ZNF276: variants seen among roughly 807,000 people sequenced by gnomAD.
The protein encoded by ZNF276 is centromere protein Z.
A neutral mutation model predicts 63.9 loss-of-function variants in ZNF276; 59 were observed. The observed-to-expected ratio is 0.92, with a 90% CI of 0.75 to 1.15. The LOEUF is 1.15. ZNF276 is among the 50% of genes most tolerant of loss of function. ZNF276 has a pLI of 0.00. For missense variants in ZNF276, 1,084 were observed against 843.8 expected (o/e 1.28, Z -3.53); for synonymous variants, 496 against 348.4 (o/e 1.42, Z -4.72).
Position 89,733,511 on chromosome 16 carries a change from C to A in ZNF276, c.1310C>A (p.Pro437His), listed in dbSNP as rs762835220. Residue 437 changes from proline to histidine, a missense_variant, in exon 8 of 11, where the codon CCT becomes CAT. Physicochemically the swap from Pro to His is moderately conservative, Grantham distance 77. Coordinates refer to ENST00000443381, the MANE Select transcript of ZNF276 (RefSeq NM_001113525.2). Reference sequence around the variant, plus strand: ...GAGCTTCCCACCATCTACAAGTGTCCTTACCAGGGCTGCACGGCCGTGTAC... The same window carrying A: ...GAGCTTCCCACCATCTACAAGTGTCATTACCAGGGCTGCACGGCCGTGTAC... ...REELPTIYKCPYQGCTAVYRG... is the reference protein window; with the variant it reads ...REELPTIYKCHYQGCTAVYRG... 2 of 1,614,180 alleles carry A rather than the reference C, an allele frequency of 1.2e-6. No individual in the cohort carries two copies. The highest frequency in any genetic ancestry group is 1.7e-6 in the Non-Finnish European group (2 of 1,180,044).
At chr16:89,737,535 AC>A (rs2061976427) in intron 9 of ZNF276, 2 of 467,884 alleles carry the variant, frequency 4.3e-6, no homozygotes, top group Non-Finnish European at 3.6e-6. Context: ...AAAAAAAAAG[AC>A]AAGAATCTGT....
intron 6 of ZNF276, chr16:89,732,682 G>C (rs1190038991): frequency 4.5e-6 from 1 of 221,792 alleles, no homozygotes; most frequent in Non-Finnish European, 9.3e-6. Flanking sequence ...GCCCTCTGCT[G>C]TGCTCACCCG....
intron 9 of ZNF276, among the ~76,000 whole-genome samples, chr16:89,735,777 C>T (rs1461059938): frequency 3.9e-5 from 6 of 152,082 alleles, no homozygotes; most frequent in South Asian, 4.1e-4. Flanking sequence ...TGCAGTGGCG[C>T]GATCTTGGCT....
At chr16:89,737,694 G>A in intron 9 of ZNF276, 112 bp from the exon 10 acceptor site, 5 of 1,569,390 alleles carry the variant, frequency 3.2e-6, no homozygotes, top group Non-Finnish European at 4.3e-6. Context: ...ACTGCATGGT[G>A]AACCATGTGC....
At position 89,738,430 on chromosome 16, in the gene ZNF276, G is replaced by T; in HGVS notation, c.*184G>T. On this transcript the variant is annotated 3_prime_UTR_variant, in exon 11 of 11. Transcript: ENST00000443381. ...TCTGGGACCAGTGGTTTATTTTCCCGCAAACGCTGAGTGACTCGGGGCCGG... is the reference window on the plus strand; with the variant it reads ...TCTGGGACCAGTGGTTTATTTTCCCTCAAACGCTGAGTGACTCGGGGCCGG... The T allele has an allele frequency of 7.3e-7, 1 of 1,374,292 alleles. No homozygotes were observed. Among genetic ancestry groups the T allele is most frequent in the Non-Finnish European group, 9.9e-7 (1 of 1,009,404 alleles). 85.1% of individuals were successfully genotyped at this position (1,374,292 alleles called of 1,614,324 possible). A position where few individuals can be genotyped will look rare whatever the true frequency, so the allele number is the denominator to read the frequency against.
At chr16:89,733,584 G>T in intron 8 of ZNF276, 27 bp downstream of exon 8, 2 of 1,612,564 alleles carry the variant, frequency 1.2e-6, no homozygotes, top group Non-Finnish European at 1.7e-6. Flanking sequence ...CCTGACCCAG[G>T]CCCGGCAGCT....
Position 89,739,125 on chromosome 16 carries a change from G to C in ZNF276, c.*879G>C, listed in dbSNP as rs772665586. 1 of 1,614,116 alleles carries C rather than the reference G, an allele frequency of 6.2e-7. No homozygotes were observed. The highest frequency in any genetic ancestry group is 1.7e-5 in the Admixed American group (1 of 60,032). ...TCCCCTGGAGGTGGGACTGGCCCTT[G>C]CACCTGCCTGACCCTTGAGCTCCAG... On this transcript the variant is annotated 3_prime_UTR_variant, in exon 11 of 11. Coordinates refer to ENST00000443381, the MANE Select transcript of ZNF276 (RefSeq NM_001113525.2).
chr16:89,732,695 CCT>C (rs2151689802), intron 6 of ZNF276: 1 of 196,592 alleles, frequency 5.1e-6, no homozygotes, highest in African/African-American at 2.4e-5. Flanking sequence ...CTCACCCGAC[CCT>C]GCTGTACCCT....
rs1183256870 is a variant in ZNF276 at position 89,740,838 on chromosome 16, AAGG to A, written c.*2595_*2597del. ...CAGATGTGACGACAGCAGGCCCATCAAGGAGAAGAAGAAAAGGAAAACCAATAG... is the reference window on the plus strand; with the variant it reads ...CAGATGTGACGACAGCAGGCCCATCAAGAAGAAGAAAAGGAAAACCAATAG... On this transcript the variant is annotated 3_prime_UTR_variant, in exon 11 of 11. Coordinates refer to ENST00000443381, the MANE Select transcript of ZNF276 (RefSeq NM_001113525.2). 8 of 1,613,560 alleles carry A rather than the reference AAGG, an allele frequency of 5.0e-6. No individual in the cohort carries two copies. The highest frequency in any genetic ancestry group is 2.7e-5 in the African/African-American group (2 of 74,884).
rs1219627612 is a variant in ZNF276 at position 89,739,284 on chromosome 16, A to C, written c.*1038A>C. The C allele has an allele frequency of 1.2e-6, 2 of 1,614,138 alleles. No individual in the cohort carries two copies. The highest frequency in any genetic ancestry group is 1.7e-6 in the Non-Finnish European group (2 of 1,180,042). On this transcript the variant is annotated 3_prime_UTR_variant, in exon 11 of 11. Transcript: ENST00000443381. ...GGCCGCGTCTTCATGGAAGTAGGAG[A>C]GAAGACTAGAGGTAAAGACATAGTG...
chr16:89,730,557 T>C (rs2061612055), intron 6 of ZNF276, among the ~76,000 whole-genome samples: 1 of 152,160 alleles, frequency 6.6e-6, no homozygotes, highest in African/African-American at 2.4e-5. Flanking sequence ...ACTGTGTCAC[T>C]AGTCCCTCTG....
At chr16:89,721,966 A>C (rs997905859) in intron 1 of ZNF276, 121 bp downstream of exon 1, 1 of 692,050 alleles carries the variant, frequency 1.4e-6, no homozygotes, top group Non-Finnish European at 2.0e-6. Flanking sequence ...GGCGTAGCGG[A>C]CTCGGGGCTG....
chr16:89,722,577 G>A lies in ZNF276; in HGVS notation c.252G>A (p.Gly84=). 6.2e-7 allele frequency: 1 copy of A among 1,612,368 alleles called. No homozygotes were observed. Among genetic ancestry groups the A allele is most frequent in the Non-Finnish European group, 8.5e-7 (1 of 1,179,994 alleles). The change falls in exon 2 of 11, where the codon GGG becomes GGA. Residue 84 remains glycine, a synonymous_variant. Transcript: ENST00000443381. The stretch of plus-strand genomic sequence containing the variant: ...TGGGTCACTGTCGCCTCTGCCACGG[G>A]AAGTTTTCCTCGAGAAGCCTGCGCA... ...LAMGHCRLCH[G]KFSSRSLRSI... is the part of the protein sequence containing the mutation.
intron 1 of ZNF276, among the ~76,000 whole-genome samples, 191 bp from the exon 2 acceptor site, chr16:89,722,340 T>A (rs550021378): frequency 2.0e-5 from 3 of 152,160 alleles, no homozygotes; most frequent in Non-Finnish European, 4.4e-5. Context: ...TTTGAAAGAT[T>A]TCTTGGACCA....
In ZNF276 at chr16:89,721,691, G is replaced by T; in HGVS notation, c.51G>T (p.Gln17His). ...TCCTGTCTCCTGGGTCGTCCCGACA[G>T]TGCGGGGCCTCGGACGGCGGCGGCG... ...GRFLSPGSSR[Q>H]CGASDGGGGV... The change falls in exon 1 of 11, where the codon CAG becomes CAT. Residue 17 changes from glutamine (Q) to histidine (H), a missense_variant. Coordinates refer to ENST00000443381, the MANE Select transcript of ZNF276 (RefSeq NM_001113525.2). The T allele has an allele frequency of 2.1e-6, 3 of 1,400,066 alleles. No homozygotes were observed. The African/African-American group carries it at 4.5e-5, about 21-fold the overall frequency. 86.7% of individuals were successfully genotyped at this position (1,400,066 alleles called of 1,614,324 possible). A position where few individuals can be genotyped will look rare whatever the true frequency, so the allele number is the denominator to read the frequency against.
intron 6 of ZNF276, chr16:89,732,839 GCGCCCTTGCCCTCTGCTGTGCT>G (rs2061708705): frequency 4.9e-6 from 1 of 202,350 alleles, no homozygotes; most frequent in African/African-American, 2.9e-5. Flanking sequence ...GCTGTGTCCT[GCGCCCTTGCCCTCTGCTGTGCT>G]CGCCCTGACC....
intron 6 of ZNF276, 95 bp downstream of exon 6, chr16:89,729,413 C>T (rs2061573736): frequency 9.0e-7 from 1 of 1,112,724 alleles, no homozygotes; most frequent in East Asian, 2.4e-5. Flanking sequence ...CCACTCAGTT[C>T]ACTCTCTCGT....
Position 89,738,673 on chromosome 16 carries a change from C to A in ZNF276, c.*427C>A. The A allele has an allele frequency of 6.2e-7, 1 of 1,613,862 alleles. No homozygotes were observed. The highest frequency in any genetic ancestry group is 1.1e-5 in the South Asian group (1 of 91,072). The stretch of plus-strand genomic sequence containing the variant: ...GCTGTCTGCTCTGGAGGGCGGCGCT[C>A]ACCTCTGGGTCGCAGTCCCCACGAT... On this transcript the variant is annotated 3_prime_UTR_variant, in exon 11 of 11. Coordinates refer to ENST00000443381, the MANE Select transcript of ZNF276 (RefSeq NM_001113525.2).
Position 89,738,799 on chromosome 16 carries a change from TGCCA to T in ZNF276, c.*559_*562del, listed in dbSNP as rs1478450090. 8 of 1,613,490 alleles carry T rather than the reference TGCCA, an allele frequency of 5.0e-6. No individual in the cohort carries two copies. Among genetic ancestry groups the T allele is most frequent in the East Asian group, 2.2e-5 (1 of 44,894 alleles). On this transcript the variant is annotated 3_prime_UTR_variant, in exon 11 of 11. Coordinates refer to ENST00000443381, the MANE Select transcript of ZNF276 (RefSeq NM_001113525.2). Reference sequence around the variant, plus strand: ...TCTGGCAGAAATAGTCGAGTTGTATTGCCAGCCAGGCAGGCACATGGCCCAGGCA... The same window carrying T: ...TCTGGCAGAAATAGTCGAGTTGTATTGCCAGGCAGGCACATGGCCCAGGCA...
Sources: allele counts gnomAD v4.1 joint callset (sites outside exome capture counted in the v4.1 genomes callset), GRCh38; gene constraint gnomAD v4.1.1; transcripts MANE v1.5; gene names NCBI Gene and HGNC (gene_info 2026-07-23, HGNC 2026-07-21).